The following CLSPN variants were observed in gnomAD, a reference collection of about 807,000 sequenced individuals.
CLSPN encodes claspin homolog.
CLSPN carries 85 observed loss-of-function variants against 156.3 expected under a neutral mutation model. The ratio of observed to expected loss-of-function variants is 0.54; its 90% CI spans 0.46 to 0.65. The LOEUF is 0.65. Among genes scored for constraint, CLSPN ranks in the 30% least tolerant of loss-of-function variants. CLSPN has a pLI of 0.00. For synonymous variants in CLSPN, 534 were observed against 542.4 expected (o/e 0.98, Z 0.22); for missense variants, 1,407 against 1,554.9 (o/e 0.90, Z 1.60).
At chr1:35,739,342 G>A (rs1367571961) in intron 19 of CLSPN, 23 bp downstream of exon 19, 3 of 1,613,712 alleles carry the variant, frequency 1.9e-6, no homozygotes, top group African/African-American at 2.7e-5. Flanking sequence ...CTATTACTCA[G>A]AAGGGCTTAT....
intron 18 of CLSPN, among the ~76,000 whole-genome samples, chr1:35,742,396 C>T (rs1207345262): frequency 6.6e-6 from 1 of 152,142 alleles, no homozygotes; most frequent in Non-Finnish European, 1.5e-5. Context: ...GAGTCTTGCT[C>T]TATCACCCAG....
chr1:35,759,829 C>CTTT (rs530890885), intron 8 of CLSPN, among the ~76,000 whole-genome samples: 140 of 128,244 alleles, frequency 1.1e-3, no homozygotes, highest in Non-Finnish European at 1.5e-3. Flanking sequence ...TATCAACAAC[C>CTTT]TTTTTTTTTT....
downstream of CLSPN, among the ~76,000 whole-genome samples, chr1:35,727,206 CT>C (rs1253320952): frequency 3.9e-5 from 6 of 152,190 alleles, no homozygotes; most frequent in African/African-American, 1.4e-4. Context: ...TAAGAACCTC[CT>C]TTGGGATCAA....
intron 18 of CLSPN, among the ~76,000 whole-genome samples, chr1:35,739,801 T>C (rs1292655176): frequency 6.6e-6 from 1 of 152,248 alleles, no homozygotes; most frequent in African/African-American, 2.4e-5. Context: ...TTTCAACTTA[T>C]GATGGATTGA....
rs1641755835 is a variant in CLSPN at position 35,743,174 on chromosome 1, A to T, written c.3110T>A (p.Leu1037His). 6.2e-7 allele frequency: 1 copy of T among 1,613,998 alleles called. No homozygotes were observed. The highest frequency in any genetic ancestry group is 8.5e-7 in the Non-Finnish European group (1 of 1,179,866). Residue 1037 changes from leucine (L) to histidine (H), a missense_variant, in exon 18 of 25, where the codon CTC becomes CAC. This residue lies in a region of CLSPN where 1,096 missense variants were observed against 1,193.0 expected (regional missense o/e 0.92). Coordinates refer to ENST00000318121, the MANE Select transcript of CLSPN (RefSeq NM_022111.4). ...EDHEDDDEEE[L>H]LKRSEKLKRQ... is the part of the protein sequence containing the mutation. ...TTTCAACTTCTCAGATCGCTTCAGG[A>T]GTTCTTCTTCATCATCATCTTCATG...
intron 1 of CLSPN, among the ~76,000 whole-genome samples, chr1:35,769,091 TGATA>T (rs1642772249): frequency 1.3e-5 from 2 of 152,204 alleles, no homozygotes; most frequent in Non-Finnish European, 2.9e-5. Flanking sequence ...TTTAAACGTC[TGATA>T]TTTTGTTCAA....
chr1:35,745,610 A>T (rs1387106681), intron 15 of CLSPN, 48 bp from the exon 16 acceptor site: 1 of 1,333,206 alleles, frequency 7.5e-7, no homozygotes, highest in Non-Finnish European at 1.1e-6. Context: ...TGATAGCTTT[A>T]TACTCTTTTC....
At chr1:35,729,763 A>G (rs1011339448), downstream of CLSPN, among the ~76,000 whole-genome samples, 16 of 152,170 alleles carry the variant, frequency 1.1e-4, no homozygotes, top group African/African-American at 3.4e-4. Context: ...CTTCCCACTC[A>G]GCTCTACCCA....
chr1:35,760,951 A>T, intron 7 of CLSPN, 35 bp from the exon 8 acceptor site: 1 of 1,528,792 alleles, frequency 6.5e-7, no homozygotes, highest in Non-Finnish European at 9.0e-7. Flanking sequence ...GTTGAAAATT[A>T]TCCTAAATGT....
At chr1:35,749,875 T>C in intron 10 of CLSPN, 64 bp from the exon 11 acceptor site, 1 of 1,541,948 alleles carries the variant, frequency 6.5e-7, no homozygotes, top group Non-Finnish European at 8.7e-7. Flanking sequence ...GCAAATACAC[T>C]GGTAGCCTGA....
Position 35,733,961 on chromosome 1 carries a change from C to T in CLSPN, c.*2535G>A. 1 of 973,694 alleles carries T rather than the reference C, an allele frequency of 1.0e-6. No homozygotes were observed. Among genetic ancestry groups the T allele is most frequent in the Non-Finnish European group, 1.2e-6 (1 of 819,232 alleles). The allele number at this position is 973,694 out of a possible 1,614,324, so 60.3% of individuals were successfully genotyped here. On this transcript the variant is annotated 3_prime_UTR_variant, in exon 25 of 25. Transcript: ENST00000318121. ...TGCCACTGCACTCTAACCTGGGCAA[C>T]AGAATGAGACTGTCTCTAAAAAATA... is the stretch of plus-strand genomic sequence containing the variant.
chr1:35,740,543 C>T lies in CLSPN; in HGVS notation c.3144-1014G>A, dbSNP rs148301385. ...AAGTGATTCTCATGCCTCAACCTCC[C>T]GAGTAGCTGGGATTACAGGTGCGTG... On this transcript the variant is annotated intron_variant, in intron 18 of 24. Transcript: ENST00000318121. Among the ~76,000 whole-genome samples the T allele has an allele frequency of 9.8e-3, 1,495 of 152,016 alleles. 28 individuals carry two copies. Among genetic ancestry groups the T allele is most frequent in the African/African-American group, 0.035 (1,431 of 41,454 alleles).
chr1:35,762,515 C>T (rs762221666), intron 4 of CLSPN, 34 bp from the exon 5 acceptor site: 18 of 1,555,494 alleles, frequency 1.2e-5, no homozygotes, highest in Admixed American at 8.4e-5. Flanking sequence ...AGGACAAAAA[C>T]GAAATTCAAA....
At chr1:35,769,442 T>G (rs1206535718) in intron 1 of CLSPN, among the ~76,000 whole-genome samples, 1 of 152,186 alleles carries the variant, frequency 6.6e-6, no homozygotes, top group Non-Finnish European at 1.5e-5. Flanking sequence ...GCCCTCTCTC[T>G]GCGGAGAATC....
rs1641347237 is a variant in CLSPN at position 35,732,720 on chromosome 1, A to G, written c.*3776T>C. 1.2e-5 allele frequency: 12 copies of G among 985,458 alleles called. No individual in the cohort carries two copies. Among genetic ancestry groups the G allele is most frequent in the Non-Finnish European group, 1.4e-5 (12 of 829,940 alleles). The allele number at this position is 985,458 out of a possible 1,614,324, so 61.0% of individuals were successfully genotyped here. A position where few individuals can be genotyped will look rare whatever the true frequency, so the allele number is the denominator to read the frequency against. On this transcript the variant is annotated 3_prime_UTR_variant, in exon 25 of 25. Transcript: ENST00000318121. The stretch of plus-strand genomic sequence containing the variant: ...GTGAAGCTGAGTCCTCCTCAGAGCC[A>G]TAGTGGCAGGTCCTGGGGCTTCAAT...
intron 16 of CLSPN, among the ~76,000 whole-genome samples, chr1:35,744,042 T>C (rs958293720): frequency 2.0e-5 from 3 of 152,364 alleles, no homozygotes; most frequent in East Asian, 1.9e-4. Context: ...GATCTTTCTA[T>C]AGTTCTGTAG....
chr1:35,741,783 A>C (rs1641700051), intron 18 of CLSPN, among the ~76,000 whole-genome samples: 2 of 151,264 alleles, frequency 1.3e-5, no homozygotes, highest in Middle Eastern at 3.4e-3. Context: ...GACCATCCTG[A>C]CCAACATGGT....
At chr1:35,744,880 C>T (rs1182012265) in intron 16 of CLSPN, among the ~76,000 whole-genome samples, 1 of 152,130 alleles carries the variant, frequency 6.6e-6, no homozygotes. Flanking sequence ...ATGGCATGAT[C>T]TCGGCTCACT....
Position 35,733,665 on chromosome 1 carries a change from G to A in CLSPN, c.*2831C>T. On this transcript the variant is annotated 3_prime_UTR_variant, in exon 25 of 25. Transcript: ENST00000318121. The stretch of plus-strand genomic sequence containing the variant: ...ATAAAATGAAGTACATACAAACTTA[G>A]CTAAAGAGAAAGGCCAATCAAAGCT... The A allele has an allele frequency of 1.0e-6, 1 of 985,386 alleles. No individual in the cohort carries two copies. The highest frequency in any genetic ancestry group is 1.2e-6 in the Non-Finnish European group (1 of 829,924). The allele number at this position is 985,386 out of a possible 1,614,324, so 61.0% of individuals were successfully genotyped here. A position where few individuals can be genotyped will look rare whatever the true frequency, so the allele number is the denominator to read the frequency against.
Sources: allele counts gnomAD v4.1 joint callset (sites outside exome capture counted in the v4.1 genomes callset), GRCh38; gene constraint gnomAD v4.1.1; regional missense constraint gnomAD v4.1.1; transcripts MANE v1.5; gene names NCBI Gene and HGNC (gene_info 2026-07-23, HGNC 2026-07-21).